The following NIPBL variants were observed in gnomAD, a reference collection of about 807,000 sequenced individuals.
NIPBL encodes nipped-B-like protein.
In NIPBL, 19 loss-of-function variants were observed where a neutral mutation model predicts 321.8. The observed-to-expected ratio is 0.06, with a 90% confidence interval of 0.04 to 0.09. The LOEUF is 0.09. Among genes scored for constraint, NIPBL ranks in the 10% least tolerant of loss-of-function variants. The probability of loss-of-function intolerance (pLI) is 1.00; values close to 1 mark genes in which losing one functional copy is unlikely to be tolerated. For missense variants in NIPBL, 2,210 were observed against 3,327.0 expected (o/e 0.66, Z 8.26); for synonymous variants, 1,106 against 1,114.1 (o/e 0.99, Z 0.14).
At chr5:36,937,855 A>G (rs1384585885) in intron 1 of NIPBL, among the ~76,000 whole-genome samples, 2 of 152,046 alleles carry the variant, frequency 1.3e-5, no homozygotes, top group Non-Finnish European at 1.5e-5. Context: ...TTTATTTTCG[A>G]TATCAAAATG....
At chr5:36,907,947 T>TA (rs1284525411) in intron 1 of NIPBL, among the ~76,000 whole-genome samples, 3 of 151,992 alleles carry the variant, frequency 2.0e-5, no homozygotes, top group African/African-American at 4.8e-5. Flanking sequence ...TACACAATAG[T>TA]AAAAAAACAT....
intron 1 of NIPBL, among the ~76,000 whole-genome samples, chr5:36,916,179 A>T (rs1475283139): frequency 1.3e-5 from 2 of 152,242 alleles, no homozygotes; most frequent in Non-Finnish European, 2.9e-5. Flanking sequence ...ATAAAAGTAG[A>T]TAATTGCCTT....
chr5:37,018,061 A>AC (rs1374523217), intron 24 of NIPBL, among the ~76,000 whole-genome samples: 1 of 152,136 alleles, frequency 6.6e-6, no homozygotes, highest in Non-Finnish European at 1.5e-5. Flanking sequence ...GACAAGTAAC[A>AC]CCAACATTGA....
At chr5:36,948,125 C>T (rs1472197597) in intron 1 of NIPBL, among the ~76,000 whole-genome samples, 1 of 151,906 alleles carries the variant, frequency 6.6e-6, no homozygotes, top group South Asian at 2.1e-4. Flanking sequence ...TATGTACCCC[C>T]CTTTACCACA....
chr5:37,016,006 T>TTA (rs777612253), intron 22 of NIPBL, 32 bp from the exon 23 acceptor site: 1 of 1,612,796 alleles, frequency 6.2e-7, no homozygotes. Context: ...TCACCTAAAT[T>TTA]GACATCCTTT....
In NIPBL at chr5:36,986,282, A is replaced by G. The variant is rs765887558; in HGVS notation, c.3102A>G (p.Lys1034=). ...GTTCCCTTAAACCTATCAAGAATAA[A>G]CCATCAAAGTCAAATAAAGGTAAGA... ...SRSSLKPIKN[K]PSKSNKGSID... Residue 1034 remains lysine (K), a synonymous_variant, in exon 10 of 47, where the codon AAA becomes AAG. Transcript: ENST00000282516. The G allele has an allele frequency of 1.8e-5, 27 of 1,519,418 alleles. No homozygotes were observed. The highest frequency in any genetic ancestry group is 2.3e-5 in the Non-Finnish European group (26 of 1,141,402). The allele number at this position is 1,519,418 out of a possible 1,614,324, so 94.1% of individuals were successfully genotyped here.
At chr5:37,048,696 A>T (rs768188817) in intron 39 of NIPBL, 21 bp downstream of exon 39, 21 of 1,541,348 alleles carry the variant, frequency 1.4e-5, no homozygotes. Context: ...ATATATTTTT[A>T]AATTTCATAG....
At chr5:36,912,538 T>C (rs1207062623) in intron 1 of NIPBL, among the ~76,000 whole-genome samples, 5 of 151,176 alleles carry the variant, frequency 3.3e-5, no homozygotes, top group Non-Finnish European at 7.4e-5. Flanking sequence ...AATCTCACTG[T>C]CGCCCAGGCT....
At chr5:37,030,840 A>G (rs1231278131) in intron 32 of NIPBL, among the ~76,000 whole-genome samples, 4 of 149,784 alleles carry the variant, frequency 2.7e-5, no homozygotes, top group Non-Finnish European at 5.9e-5. Context: ...CTGTGGCCTC[A>G]ACCTCCCTGG....
At chr5:36,980,093 CAT>C (rs1743963652) in intron 9 of NIPBL, among the ~76,000 whole-genome samples, 1 of 151,574 alleles carries the variant, frequency 6.6e-6, no homozygotes, top group Admixed American at 6.6e-5. Context: ...AAATAAGGGT[CAT>C]ATATAGTTCT....
chr5:36,901,500 C>CT (rs35178851), intron 1 of NIPBL, among the ~76,000 whole-genome samples: 7,325 of 77,418 alleles, frequency 0.095, 1,261 homozygotes, highest in African/African-American at 0.11. Context: ...CTTCTAAGTC[C>CT]TTTTTTTTTT....
At chr5:37,062,297 CT>C (rs1408436460) in intron 45 of NIPBL, among the ~76,000 whole-genome samples, 1 of 152,176 alleles carries the variant, frequency 6.6e-6, no homozygotes, top group East Asian at 1.9e-4. Flanking sequence ...CAGTCATTCT[CT>C]TACCGTGTTT....
chr5:36,976,440 C>A lies in NIPBL; in HGVS notation c.1495+38C>A, dbSNP rs192155566. On this transcript the variant is annotated intron_variant, in intron 9 of 46. Coordinates refer to ENST00000282516, the MANE Select transcript of NIPBL (RefSeq NM_133433.4). ...CATTATTACCACTTCATCATCTGGG[C>A]AAATATGTAATTATAGTGTCAAAAA... The A allele has an allele frequency of 1.9e-4, 301 of 1,595,576 alleles. No individual in the cohort carries two copies. The African/African-American group carries it at 3.5e-3, about 18-fold the overall frequency.
intron 30 of NIPBL, 28 bp from the exon 31 acceptor site, chr5:37,026,201 G>A: frequency 7.5e-7 from 1 of 1,327,688 alleles, no homozygotes; most frequent in Non-Finnish European, 1.1e-6. Flanking sequence ...GTTATAATTA[G>A]TTAATTTGAA....
intron 7 of NIPBL, among the ~76,000 whole-genome samples, chr5:36,971,420 C>G (rs549489105): frequency 6.6e-6 from 1 of 151,868 alleles, no homozygotes; most frequent in Non-Finnish European, 1.5e-5. Flanking sequence ...ACTGCTCACA[C>G]TAAAATTTTT....
chr5:36,895,778 A>C (rs377335777), intron 1 of NIPBL, among the ~76,000 whole-genome samples: 118 of 152,238 alleles, frequency 7.8e-4, no homozygotes, highest in African/African-American at 2.8e-3. Context: ...CATTCATCCA[A>C]ATCTTTTGCC....
intron 1 of NIPBL, among the ~76,000 whole-genome samples, chr5:36,888,035 C>T (rs1173217709): frequency 6.6e-6 from 1 of 152,168 alleles, no homozygotes; most frequent in Non-Finnish European, 1.5e-5. Context: ...ACATTTGTAA[C>T]ACTTCCCTGA....
intron 1 of NIPBL, among the ~76,000 whole-genome samples, chr5:36,912,886 G>A (rs1025707792): frequency 6.6e-6 from 1 of 151,878 alleles, no homozygotes; most frequent in East Asian, 1.9e-4. Flanking sequence ...TTCTATTATT[G>A]TTTTTATTAT....
rs550326012 is a variant in NIPBL, at chr5:36,961,993, G to T, written c.459-130G>T. ...TGTATGTTATTTGACTATTTTGCAA[G>T]ATTCTTCTGTTTGCATAGATTTTAC... On this transcript the variant is annotated intron_variant, in intron 5 of 46. Coordinates refer to ENST00000282516, the MANE Select transcript of NIPBL (RefSeq NM_133433.4). The T allele has an allele frequency of 1.5e-5, 15 of 1,033,894 alleles. No homozygotes were observed. The South Asian group carries it at 2.2e-4, about 15-fold the overall frequency. The allele number at this position is 1,033,894 out of a possible 1,614,324, so 64.0% of individuals were successfully genotyped here.
Sources: allele counts gnomAD v4.1 joint callset (sites outside exome capture counted in the v4.1 genomes callset), GRCh38; gene constraint gnomAD v4.1.1; transcripts MANE v1.5; gene names NCBI Gene and HGNC (gene_info 2026-07-23, HGNC 2026-07-21).